The following SIPA1L1 variants were observed in gnomAD, a reference collection of about 807,000 sequenced individuals.
SIPA1L1 encodes signal induced proliferation associated 1 like 1.
A neutral mutation model predicts 162.7 loss-of-function variants in SIPA1L1; 26 were observed. That is an observed-to-expected ratio of 0.16 (90% CI 0.12 to 0.22). SIPA1L1 has a LOEUF of 0.22. Among genes scored for constraint, SIPA1L1 ranks in the 10% least tolerant of loss-of-function variants. The pLI is 1.00. For synonymous variants in SIPA1L1, 829 were observed against 837.4 expected (o/e 0.99, Z 0.17); for missense variants, 1,874 against 2,241.0 (o/e 0.84, Z 3.31).
chr14:71,599,214 G>A (rs572944477), intron 5 of SIPA1L1, among the ~76,000 whole-genome samples: 7 of 134,496 alleles, frequency 5.2e-5, no homozygotes, highest in South Asian at 2.3e-4. Context: ...GCAATGGCAC[G>A]ATTTCGGCTC....
At chr14:71,445,005 C>T (rs1208603799) in intron 2 of SIPA1L1, among the ~76,000 whole-genome samples, 1 of 152,082 alleles carries the variant, frequency 6.6e-6, no homozygotes, top group East Asian at 1.9e-4. Flanking sequence ...TGAGCAAAAG[C>T]TAACAGATAC....
At chr14:71,477,160 C>A (rs1331737064) in intron 2 of SIPA1L1, among the ~76,000 whole-genome samples, 2 of 152,136 alleles carry the variant, frequency 1.3e-5, no homozygotes. Context: ...ACTCGGGAGG[C>A]TGAGGCAGGA....
intron 2 of SIPA1L1, among the ~76,000 whole-genome samples, chr14:71,464,251 C>T (rs963578242): frequency 2.6e-5 from 4 of 152,174 alleles, no homozygotes; most frequent in African/African-American, 9.7e-5. Flanking sequence ...CAGGCATTTC[C>T]AGGTTGCTCA....
At chr14:71,599,208 TG>T (rs1390396524) in intron 5 of SIPA1L1, among the ~76,000 whole-genome samples, 1 of 134,950 alleles carries the variant, frequency 7.4e-6, no homozygotes, top group Non-Finnish European at 1.5e-5. Context: ...TGGAGTGCAA[TG>T]GCACGATTTC....
chr14:71,588,039 C>A lies in SIPA1L1; in HGVS notation c.167C>A (p.Pro56His). Reference sequence around the variant, plus strand: ...TCATCAGTTATGGCTCCTGTAGGACCCCCCCGAAGTGAAGGTTCTCACCAT... The same window carrying A: ...TCATCAGTTATGGCTCCTGTAGGACACCCCCGAAGTGAAGGTTCTCACCAT... Reference protein sequence around the residue: ...LGSSVMAPVGPPRSEGSHHIT... With the variant: ...LGSSVMAPVGHPRSEGSHHIT... Residue 56 changes from proline (P) to histidine (H), a missense_variant, in exon 5 of 24, where the codon CCC becomes CAC. By Grantham distance (77) the Pro-to-His change is moderately conservative. Coordinates refer to ENST00000381232, the MANE Select transcript of SIPA1L1 (RefSeq NM_001386936.1). This position sits in a 1 kb window ranked among gnomAD's most constrained non-coding sequence, Gnocchi z 4.3. The A allele has an allele frequency of 6.2e-7, 1 of 1,614,038 alleles. No individual in the cohort carries two copies. Among genetic ancestry groups the A allele is most frequent in the Non-Finnish European group, 8.5e-7 (1 of 1,179,964 alleles).
chr14:71,360,507 A>G (rs2037709910), intron 2 of SIPA1L1, among the ~76,000 whole-genome samples: 1 of 152,236 alleles, frequency 6.6e-6, no homozygotes, highest in South Asian at 2.1e-4. Context: ...ACGAATGTAC[A>G]AGCCTCTCTT....
chr14:71,662,434 A>G (rs2043610989), intron 10 of SIPA1L1, among the ~76,000 whole-genome samples: 1 of 152,228 alleles, frequency 6.6e-6, no homozygotes, highest in African/African-American at 2.4e-5. Flanking sequence ...TCTTACATGT[A>G]TATCCCATTT....
chr14:71,342,985 A>G (rs1163531679), intron 2 of SIPA1L1, among the ~76,000 whole-genome samples: 1 of 152,228 alleles, frequency 6.6e-6, no homozygotes, highest in Non-Finnish European at 1.5e-5. Flanking sequence ...TAAATGGCAG[A>G]GAGCTCCAAA....
At chr14:71,585,696 A>G (rs1266341023) in intron 4 of SIPA1L1, among the ~76,000 whole-genome samples, 3 of 152,212 alleles carry the variant, frequency 2.0e-5, no homozygotes, top group African/African-American at 7.2e-5. Flanking sequence ...GGGGAATGAA[A>G]GATGATTTAT....
intron 5 of SIPA1L1, among the ~76,000 whole-genome samples, chr14:71,611,289 C>T (rs2038175443): frequency 6.6e-6 from 1 of 152,152 alleles, no homozygotes; most frequent in Non-Finnish European, 1.5e-5. Context: ...GCTCTGTCCT[C>T]TCTTTCTTAG....
chr14:71,330,450 T>C, intron 2 of SIPA1L1: 10 of 1,595,506 alleles, frequency 6.3e-6, no homozygotes, highest in Non-Finnish European at 8.6e-6. Context: ...GCTCAATATC[T>C]TGGAAATCCA....
intron 10 of SIPA1L1, among the ~76,000 whole-genome samples, chr14:71,666,934 T>C (rs911092268): frequency 8.1e-5 from 12 of 149,026 alleles, no homozygotes; most frequent in African/African-American, 2.0e-4. Flanking sequence ...TCCAAGTAGG[T>C]CAAGTGATAG....
At chr14:71,592,709 T>C (rs2035556908) in intron 5 of SIPA1L1, among the ~76,000 whole-genome samples, 1 of 152,246 alleles carries the variant, frequency 6.6e-6, no homozygotes, top group South Asian at 2.1e-4. Context: ...CATATTTGGC[T>C]GATGAAGCTA....
chr14:71,730,162 G>A lies in SIPA1L1; in HGVS notation c.4722G>A (p.Glu1574=). The A allele has an allele frequency of 6.2e-7, 1 of 1,614,174 alleles. No homozygotes were observed. The highest frequency in any genetic ancestry group is 8.5e-7 in the Non-Finnish European group (1 of 1,180,030). ...SDESIYNSQR[E]HFFTSRASLL... ...AGAGCATTTACAATAGCCAGAGGGAGCACTTTTTCACCTCCAGGGCGTCAC... is the reference window on the plus strand; with the variant it reads ...AGAGCATTTACAATAGCCAGAGGGAACACTTTTTCACCTCCAGGGCGTCAC... Residue 1574 remains glutamate, a synonymous_variant, in exon 20 of 24, where the codon GAG becomes GAA. Transcript: ENST00000381232.
intron 2 of SIPA1L1, among the ~76,000 whole-genome samples, chr14:71,337,502 A>G (rs2035217702): frequency 6.6e-6 from 1 of 152,340 alleles, no homozygotes; most frequent in African/African-American, 2.4e-5. Flanking sequence ...TACGTCTTAC[A>G]TGGCAGCAGG....
chr14:71,375,730 T>A (rs2039313788), intron 2 of SIPA1L1, among the ~76,000 whole-genome samples: 1 of 152,180 alleles, frequency 6.6e-6, no homozygotes, highest in Admixed American at 6.5e-5. Flanking sequence ...CTCAGTTATT[T>A]GATAAAGTTC....
intron 2 of SIPA1L1, among the ~76,000 whole-genome samples, chr14:71,414,383 A>G (rs1382642711): frequency 6.6e-6 from 1 of 151,962 alleles, no homozygotes; most frequent in Non-Finnish European, 1.5e-5. Flanking sequence ...CATCTCAGGG[A>G]AAAAAAACAA....
At position 71,582,945 on chromosome 14, in the gene SIPA1L1, T is replaced by C. The variant is rs778721234; in HGVS notation, c.-302-4626T>C. 2.0e-5 allele frequency among the ~76,000 whole-genome samples: 3 copies of C among 152,320 alleles called. No individual in the cohort carries two copies. The East Asian group carries it at 5.8e-4, about 29-fold the overall frequency. On this transcript the variant is annotated intron_variant, in intron 4 of 23. Transcript: ENST00000381232. Reference sequence around the variant, plus strand: ...AGTGAGCCATCCCTTCTGTCTGAGATGCAACTTTTATGTAATGTGAGTGGA... The same window carrying C: ...AGTGAGCCATCCCTTCTGTCTGAGACGCAACTTTTATGTAATGTGAGTGGA...
intron 5 of SIPA1L1, among the ~76,000 whole-genome samples, chr14:71,593,582 T>C (rs2035673986): frequency 6.6e-6 from 1 of 152,160 alleles, no homozygotes; most frequent in South Asian, 2.1e-4. Context: ...TACTAAGTTA[T>C]AGAATAATTA....
Sources: allele counts gnomAD v4.1 joint callset (sites outside exome capture counted in the v4.1 genomes callset), GRCh38; gene constraint gnomAD v4.1.1; non-coding constraint Gnocchi (gnomAD v3.1); transcripts MANE v1.5; gene names NCBI Gene and HGNC (gene_info 2026-07-23, HGNC 2026-07-21).